Variants in RANBP17 observed in about 807,000 individuals in gnomAD.
RANBP17 encodes the protein ran-binding protein 17.
Under a neutral mutation model 141.2 loss-of-function variants are expected in RANBP17, and 158 were observed. That is an observed-to-expected ratio of 1.12 (90% CI 0.98 to 1.28). RANBP17 has a LOEUF of 1.28. Ranked by LOEUF, RANBP17 falls within the 50% of genes most tolerant of loss-of-function variation. The pLI is 0.00. For synonymous variants in RANBP17, 430 were observed against 450.0 expected, an observed-to-expected ratio of 0.96 and a Z score of 0.56; for missense variants, 1,438 against 1,290.7, an observed-to-expected ratio of 1.11 and a Z score of -1.75.
At chr5:170,928,421 A>G (rs993525156) in intron 12 of RANBP17, among the ~76,000 whole-genome samples, 6 of 152,028 alleles carry the variant, frequency 3.9e-5, no homozygotes, top group Non-Finnish European at 8.8e-5. Flanking sequence ...TTCTAACCTA[A>G]TGCTATGAAG....
intron 25 of RANBP17, among the ~76,000 whole-genome samples, 198 bp from the exon 26 acceptor site, chr5:171,293,685 A>C (rs1368413584): frequency 6.6e-6 from 1 of 152,178 alleles, no homozygotes; most frequent in African/African-American, 2.4e-5. Context: ...GCTCTTCCAC[A>C]GGGAGCTAGC....
chr5:171,061,441 G>C (rs1356688113), intron 14 of RANBP17, among the ~76,000 whole-genome samples: 2 of 151,876 alleles, frequency 1.3e-5, no homozygotes, highest in Non-Finnish European at 2.9e-5. Flanking sequence ...TTCAGGAGCA[G>C]GTTGTTCAGT....
intron 20 of RANBP17, 110 bp from the exon 21 acceptor site, chr5:171,213,521 A>C: frequency 1.3e-6 from 1 of 759,758 alleles, no homozygotes; most frequent in South Asian, 1.7e-5. Context: ...AATTAGTATA[A>C]ATATAGAACA....
intron 1 of RANBP17, among the ~76,000 whole-genome samples, chr5:170,863,874 A>AT (rs1422192976): frequency 1.3e-5 from 2 of 152,104 alleles, no homozygotes; most frequent in South Asian, 2.1e-4. Context: ...TTCACAGTAC[A>AT]TTCCTGTAGA....
At chr5:171,280,531 C>T (rs769317167) in intron 25 of RANBP17, among the ~76,000 whole-genome samples, 1 of 152,176 alleles carries the variant, frequency 6.6e-6, no homozygotes, top group Non-Finnish European at 1.5e-5. Flanking sequence ...CCACCCACCT[C>T]CCAAAGTGCT....
intron 13 of RANBP17, among the ~76,000 whole-genome samples, chr5:170,955,584 A>G (rs1432388905): frequency 0.033 from 1,291 of 39,468 alleles, 102 homozygotes; most frequent in African/African-American, 0.13. Flanking sequence ...GTCTGTGTGT[A>G]TATATATATA....
chr5:170,934,259 T>G (rs922676489), intron 12 of RANBP17, among the ~76,000 whole-genome samples: 6 of 152,224 alleles, frequency 3.9e-5, no homozygotes, highest in African/African-American at 1.4e-4. Context: ...TGTTTTCCAT[T>G]TGCTTGGTAG....
At chr5:171,166,862 C>T (rs551277578) in intron 14 of RANBP17, among the ~76,000 whole-genome samples, 1 of 152,242 alleles carries the variant, frequency 6.6e-6, no homozygotes, top group South Asian at 2.1e-4. Flanking sequence ...GATTGTTGCT[C>T]TTAATGAGCT....
intron 12 of RANBP17, among the ~76,000 whole-genome samples, chr5:170,926,417 A>G (rs1486452294): frequency 6.6e-6 from 1 of 151,952 alleles, no homozygotes; most frequent in Non-Finnish European, 1.5e-5. Context: ...GTTTAGTATT[A>G]TTTCATGTTT....
In RANBP17 at chr5:170,924,431, G is replaced by C. The variant is rs1484683639; in HGVS notation, c.1349G>C (p.Arg450Thr). The C allele has an allele frequency of 6.2e-7, 1 of 1,613,450 alleles. No homozygotes were observed. The highest frequency in any genetic ancestry group is 1.1e-5 in the South Asian group (1 of 91,040). ...TTGGAGCAGTTGTGCACGGTCAGCA[G>C]ATGTGAATATGAAAAGACATGTGCT... ...QQLEQLCTVSRCEYEKTCALL... is the reference protein window; with the variant it reads ...QQLEQLCTVSTCEYEKTCALL... Residue 450 changes from arginine (R) to threonine (T), a missense_variant, in exon 12 of 28, where the codon AGA (arginine) becomes ACA (threonine). By Grantham distance (71) the Arg-to-Thr change is moderately conservative. Transcript: ENST00000523189.
At chr5:171,208,348 A>G (rs1561765408) in intron 20 of RANBP17, among the ~76,000 whole-genome samples, 1 of 152,228 alleles carries the variant, frequency 6.6e-6, no homozygotes, top group Non-Finnish European at 1.5e-5. Flanking sequence ...CCATCTTGAT[A>G]AATGGTTTCC....
At chr5:171,141,759 C>T (rs1314574537) in intron 14 of RANBP17, among the ~76,000 whole-genome samples, 1 of 151,814 alleles carries the variant, frequency 6.6e-6, no homozygotes, top group Non-Finnish European at 1.5e-5. Context: ...CTGACTTTTG[C>T]TACTGCCAAC....
At chr5:170,936,996 T>A (rs1773933419) in intron 12 of RANBP17, among the ~76,000 whole-genome samples, 1 of 152,234 alleles carries the variant, frequency 6.6e-6, no homozygotes, top group African/African-American at 2.4e-5. Flanking sequence ...TCTTTCTCCA[T>A]CCATTTACTT....
At chr5:171,080,546 C>A (rs1313238463) in intron 14 of RANBP17, among the ~76,000 whole-genome samples, 1 of 152,100 alleles carries the variant, frequency 6.6e-6, no homozygotes, top group Non-Finnish European at 1.5e-5. Context: ...CCTGAATCAC[C>A]AAGAGGATCA....
intron 14 of RANBP17, among the ~76,000 whole-genome samples, chr5:171,023,687 C>T (rs1255062627): frequency 6.6e-6 from 1 of 152,122 alleles, no homozygotes; most frequent in Non-Finnish European, 1.5e-5. Flanking sequence ...TGTCATCTGG[C>T]TTTCATAGTT....
chr5:171,148,236 A>G (rs572226732), intron 14 of RANBP17, among the ~76,000 whole-genome samples: 5 of 152,194 alleles, frequency 3.3e-5, no homozygotes, highest in Non-Finnish European at 5.9e-5. Flanking sequence ...TCAAGTAATC[A>G]GGACACAAAC....
At chr5:170,921,837 A>G (rs1228067651) in intron 11 of RANBP17, among the ~76,000 whole-genome samples, 2 of 152,160 alleles carry the variant, frequency 1.3e-5, no homozygotes, top group Non-Finnish European at 2.9e-5. Context: ...CAACTCATCA[A>G]ACTCAGTCTC....
intron 14 of RANBP17, among the ~76,000 whole-genome samples, chr5:171,050,877 A>C (rs1008096780): frequency 2.0e-5 from 3 of 152,124 alleles, no homozygotes; most frequent in African/African-American, 7.2e-5. Context: ...TTTATCTGAG[A>C]ATGTCATTAT....
chr5:171,152,287 GC>G (rs1294695030), intron 14 of RANBP17, among the ~76,000 whole-genome samples: 1 of 151,718 alleles, frequency 6.6e-6, no homozygotes, highest in Admixed American at 6.6e-5. Flanking sequence ...AGGCATGGTG[GC>G]ACATGCCTGC....
Sources: gnomAD v4.1 joint callset for allele counts (sites outside exome capture counted in the v4.1 genomes callset) on GRCh38, gnomAD v4.1.1 for gene constraint, MANE v1.5 for transcripts, NCBI Gene and HGNC (gene_info 2026-07-23, HGNC 2026-07-21) for gene names.